RASEF: variants seen among roughly 807,000 people sequenced by gnomAD.
RASEF encodes the protein RAS and EF-hand domain containing.
A neutral mutation model predicts 90.1 loss-of-function variants in RASEF; 68 were observed. The observed-to-expected ratio is 0.75, with a 90% CI of 0.62 to 0.92. The LOEUF (loss-of-function observed/expected upper bound fraction) is 0.92, where lower values mean the gene tolerates loss of function less well. RASEF is among the 40% of genes least tolerant of loss of function. RASEF has a pLI of 0.00. For missense variants in RASEF, 949 were observed against 937.2 expected, an observed-to-expected ratio of 1.01 and a Z score of -0.16; for synonymous variants, 331 against 345.2, an observed-to-expected ratio of 0.96 and a Z score of 0.46.
At chr9:83,143,237 T>C in the RASEF span, among the ~76,000 whole-genome samples, 2 of 152,134 alleles carry the variant, frequency 1.3e-5, no homozygotes, top group African/African-American at 4.8e-5. Flanking sequence ...AAGTGGTACC[T>C]AATTAAACTG....
the RASEF span, among the ~76,000 whole-genome samples, chr9:83,099,452 T>C: frequency 3.3e-5 from 5 of 152,210 alleles, no homozygotes; most frequent in Non-Finnish European, 1.5e-5. Flanking sequence ...TATTTTCTCA[T>C]ATACTCAGGT....
rs751351158 is a variant in RASEF, at chr9:83,001,027, A to C, written c.1306T>G (p.Phe436Val). 6 of 1,614,162 alleles carry C rather than the reference A, an allele frequency of 3.7e-6. No homozygotes were observed. The highest frequency in any genetic ancestry group is 5.1e-6 in the Non-Finnish European group (6 of 1,180,020). Reference protein sequence around the residue: ...CEVDSLPESCFDSGLSTLRDP... With the variant: ...CEVDSLPESCVDSGLSTLRDP... The stretch of plus-strand genomic sequence containing the variant: ...CTCAAGGTAGACAAGCCGCTGTCGA[A>C]GCAGCTTTCAGGCAGGCTGTCAACT... The change falls in exon 10 of 17, where the codon TTC (phenylalanine) becomes GTC (valine). Residue 436 changes from phenylalanine (F) to valine (V), a missense_variant. Physicochemically the swap from Phe to Val is conservative, Grantham distance 50. Transcript: ENST00000376447.
the RASEF span, among the ~76,000 whole-genome samples, chr9:83,187,280 C>G: frequency 6.6e-6 from 1 of 152,136 alleles, no homozygotes; most frequent in African/African-American, 2.4e-5. Flanking sequence ...GTATACTATA[C>G]TTTTATTTTC....
the RASEF span, among the ~76,000 whole-genome samples, chr9:83,165,351 A>G: frequency 6.6e-6 from 1 of 152,148 alleles, no homozygotes; most frequent in African/African-American, 2.4e-5. Flanking sequence ...AATAACAGAA[A>G]GACAGCCAGG....
At chr9:83,185,514 A>G in the RASEF span, among the ~76,000 whole-genome samples, 1 of 152,020 alleles carries the variant, frequency 6.6e-6, no homozygotes, top group East Asian at 1.9e-4. Context: ...GTGCCTTCAG[A>G]AGAAAAGTCA....
chr9:82,993,261 C>T (rs1828849203), intron 14 of RASEF, among the ~76,000 whole-genome samples: 1 of 152,146 alleles, frequency 6.6e-6, no homozygotes, highest in Admixed American at 6.5e-5. Flanking sequence ...GGGTCAGGGC[C>T]TGGATCCAAA....
chr9:83,084,039 T>G, the RASEF span, among the ~76,000 whole-genome samples: 2 of 152,080 alleles, frequency 1.3e-5, no homozygotes, highest in East Asian at 3.8e-4. Flanking sequence ...TAATGGAATA[T>G]TACGCAAGCA....
chr9:83,175,867 C>T, the RASEF span, among the ~76,000 whole-genome samples: 1 of 152,208 alleles, frequency 6.6e-6, no homozygotes, highest in African/African-American at 2.4e-5. Context: ...GCGTGAGCCA[C>T]CACACCCGGC....
chr9:83,070,728 A>G, the RASEF span, among the ~76,000 whole-genome samples: 6 of 152,130 alleles, frequency 3.9e-5, no homozygotes, highest in East Asian at 1.2e-3. Context: ...GGGAGAACTG[A>G]TATCTTAATA....
the RASEF span, among the ~76,000 whole-genome samples, chr9:83,212,142 A>G: frequency 1.3e-5 from 2 of 152,328 alleles, no homozygotes; most frequent in South Asian, 2.1e-4. Context: ...ACAACAAAAT[A>G]ATAACAGTAG....
In RASEF at chr9:82,983,492, T is replaced by C. The variant is rs149139130; in HGVS notation, c.2118-710A>G. ...GTAGCCACTGGGGATGCTTGTGAAA[T>C]ATGAAGACCAGAAGTCTCACCTTAG... On this transcript the variant is annotated intron_variant, in intron 16 of 16. Coordinates refer to ENST00000376447, the MANE Select transcript of RASEF (RefSeq NM_152573.4). Among the ~76,000 whole-genome samples the C allele has an allele frequency of 2.0e-3, 308 of 152,164 alleles. 3 individuals carry two copies. The highest frequency in any genetic ancestry group is 7.0e-3 in the African/African-American group (292 of 41,514).
intron 1 of RASEF, among the ~76,000 whole-genome samples, chr9:83,039,129 C>T (rs1829793517): frequency 6.6e-6 from 1 of 152,112 alleles, no homozygotes; most frequent in South Asian, 2.1e-4. Context: ...AGAATCTAAG[C>T]CTTTCATATA....
the RASEF span, among the ~76,000 whole-genome samples, chr9:83,202,646 T>G: frequency 6.6e-6 from 1 of 152,078 alleles, no homozygotes; most frequent in African/African-American, 2.4e-5. Flanking sequence ...TGGCTTGTTT[T>G]TTTGTTTGTT....
Position 83,062,601 on chromosome 9 carries a change from C to T in RASEF, c.267G>A (p.Ala89=), listed in dbSNP as rs368558306. The T allele has an allele frequency of 8.9e-6, 14 of 1,568,802 alleles. No individual in the cohort carries two copies. The highest frequency in any genetic ancestry group is 1.7e-4 in the Middle Eastern group (1 of 5,960). Residue 89 remains alanine, a synonymous_variant, in exon 1 of 17, where the codon GCG becomes GCA. Coordinates refer to ENST00000376447, the MANE Select transcript of RASEF (RefSeq NM_152573.4). ...RRRDWGPLDP[A]PAVSEAGPET... ...CCGGCCCCGCCTCAGACACGGCGGG[C>T]GCGGGATCCAGAGGACCCCAGTCCC...
At chr9:83,163,956 C>A in the RASEF span, among the ~76,000 whole-genome samples, 1 of 148,632 alleles carries the variant, frequency 6.7e-6, no homozygotes, top group Non-Finnish European at 1.5e-5. Flanking sequence ...AAAGAAAACA[C>A]TATTTTAAAA....
the RASEF span, among the ~76,000 whole-genome samples, chr9:83,079,018 T>A: frequency 3.5e-4 from 53 of 152,316 alleles, no homozygotes; most frequent in African/African-American, 1.2e-3. Flanking sequence ...TTGTTTCCTC[T>A]GTTGTTAGTT....
At chr9:83,009,539 C>T in intron 6 of RASEF, 102 bp downstream of exon 6, 1 of 559,474 alleles carries the variant, frequency 1.8e-6, no homozygotes, top group Non-Finnish European at 3.1e-6. Flanking sequence ...AAGATATTAG[C>T]AAAGTTACTA....
At chr9:82,999,378 T>A (rs1259390127) in intron 12 of RASEF, among the ~76,000 whole-genome samples, 1 of 152,102 alleles carries the variant, frequency 6.6e-6, no homozygotes, top group African/African-American at 2.4e-5. Context: ...CTGGCCACCC[T>A]GCGTAAAACC....
chr9:83,142,637 G>C, the RASEF span, among the ~76,000 whole-genome samples: 1 of 152,194 alleles, frequency 6.6e-6, no homozygotes, highest in African/African-American at 2.4e-5. Flanking sequence ...TTTTGCAACA[G>C]AGAAACTATA....
Sources: allele counts gnomAD v4.1 joint callset (sites outside exome capture counted in the v4.1 genomes callset), GRCh38; gene constraint gnomAD v4.1.1; transcripts MANE v1.5; gene names NCBI Gene and HGNC (gene_info 2026-07-23, HGNC 2026-07-21).